Variants in ATP9B observed in about 807,000 individuals in gnomAD.
ATP9B encodes ATPase phospholipid transporting 9B.
Under a neutral mutation model 146.1 loss-of-function variants are expected in ATP9B, and 110 were observed. The ratio of observed to expected loss-of-function variants is 0.75; its 90% CI spans 0.65 to 0.88. The LOEUF (loss-of-function observed/expected upper bound fraction) is 0.88. Ranked by LOEUF, ATP9B falls within the 40% of genes least tolerant of loss-of-function variation. ATP9B has a pLI of 0.00. For missense variants in ATP9B, 1,499 were observed against 1,496.4 expected (o/e 1.00, Z -0.03); for synonymous variants, 604 against 569.7 (o/e 1.06, Z -0.86).
intron 13 of ATP9B, among the ~76,000 whole-genome samples, chr18:79,278,799 G>A (rs926298572): frequency 6.6e-6 from 1 of 151,964 alleles, no homozygotes; most frequent in African/African-American, 2.4e-5. Context: ...AGAGTGTTAG[G>A]ATTTTCCCTT....
intron 19 of ATP9B, among the ~76,000 whole-genome samples, chr18:79,339,206 T>C (rs2096843312): frequency 9.1e-6 from 1 of 110,074 alleles, no homozygotes; most frequent in Non-Finnish European, 1.9e-5. Flanking sequence ...CTGTATCATA[T>C]CCATCTGAGA....
intron 13 of ATP9B, among the ~76,000 whole-genome samples, chr18:79,300,741 G>C (rs1168264008): frequency 2.0e-5 from 3 of 152,132 alleles, no homozygotes; most frequent in African/African-American, 7.2e-5. Flanking sequence ...CTTTCTTTAG[G>C]GTTCTTTGCA....
At chr18:79,375,323 C>A in intron 28 of ATP9B, 71 bp from the exon 29 acceptor site, 1 of 1,358,172 alleles carries the variant, frequency 7.4e-7, no homozygotes, top group Non-Finnish European at 1.0e-6. Context: ...TATTCTTTTG[C>A]TAACCCCTTG....
At chr18:79,180,526 A>G (rs1028995025) in intron 8 of ATP9B, among the ~76,000 whole-genome samples, 1 of 151,962 alleles carries the variant, frequency 6.6e-6, no homozygotes, top group Non-Finnish European at 1.5e-5. Context: ...ACATATTATC[A>G]GCTGCACCGT....
intron 11 of ATP9B, among the ~76,000 whole-genome samples, chr18:79,249,941 C>T (rs1034595876): frequency 7.2e-5 from 11 of 152,172 alleles, no homozygotes; most frequent in Non-Finnish European, 1.3e-4. Flanking sequence ...TCAGAAAATG[C>T]CACCTGCAAG....
intron 5 of ATP9B, among the ~76,000 whole-genome samples, chr18:79,126,755 A>G (rs1459953464): frequency 2.0e-5 from 3 of 152,260 alleles, no homozygotes; most frequent in Non-Finnish European, 4.4e-5. Context: ...AAATGTCTAT[A>G]CCATGGCATT....
At position 79,346,724 on chromosome 18, in the gene ATP9B, A is replaced by G. The variant is rs576637622; in HGVS notation, c.2682+885A>G. On this transcript the variant is annotated intron_variant, in intron 23 of 29. Coordinates refer to ENST00000426216, the MANE Select transcript of ATP9B (RefSeq NM_198531.5). ...GCGCACGTCAGCACGTGCTCAGTGC[A>G]TGCCTGGTCATTTTACACTCAGCAC... Among the ~76,000 whole-genome samples the G allele has an allele frequency of 5.3e-5, 8 of 152,360 alleles. 1 individual carries two copies. The highest frequency in any genetic ancestry group is 1.7e-4 in the African/African-American group (7 of 41,590).
chr18:79,376,305 A>G, intron 29 of ATP9B: 1 of 985,226 alleles, frequency 1.0e-6, no homozygotes, highest in Non-Finnish European at 1.2e-6. Flanking sequence ...CACCACAACT[A>G]GTACTTCAGT....
In ATP9B at chr18:79,324,485, AT is replaced by A. The variant is rs371502942; in HGVS notation, c.1774-4651del. 2.4e-3 allele frequency among the ~76,000 whole-genome samples: 365 copies of A among 152,138 alleles called. 1 individual carries two copies. Among genetic ancestry groups the A allele is most frequent in the South Asian group, 6.2e-3 (30 of 4,812 alleles). On this transcript the variant is annotated intron_variant, in intron 15 of 29. Coordinates refer to ENST00000426216, the MANE Select transcript of ATP9B (RefSeq NM_198531.5). ...ATTACCCATATAAGGGTGTCTTTTA[AT>A]TTTTCAGTCCACCCACAGATACAGA...
At chr18:79,318,378 C>T (rs895434289) in intron 15 of ATP9B, among the ~76,000 whole-genome samples, 1 of 152,210 alleles carries the variant, frequency 6.6e-6, no homozygotes, top group Non-Finnish European at 1.5e-5. Context: ...CATGGTCTTC[C>T]TCCCCAGCCC....
intron 8 of ATP9B, among the ~76,000 whole-genome samples, chr18:79,190,890 TG>T (rs745399599): frequency 2.0e-5 from 3 of 150,442 alleles, no homozygotes; most frequent in South Asian, 2.1e-4. Context: ...AAACAGGATT[TG>T]GGGGTTTTTT....
chr18:79,214,624 A>G (rs2095610978), intron 11 of ATP9B, among the ~76,000 whole-genome samples: 1 of 152,224 alleles, frequency 6.6e-6, no homozygotes, highest in Admixed American at 6.5e-5. Flanking sequence ...TCATCATGAT[A>G]CCATATGTGA....
chr18:79,185,009 C>T (rs1231427658), intron 8 of ATP9B, among the ~76,000 whole-genome samples: 1 of 151,496 alleles, frequency 6.6e-6, no homozygotes, highest in African/African-American at 2.4e-5. Flanking sequence ...AAAATCCAGC[C>T]AAGCAAGGAT....
intron 25 of ATP9B, among the ~76,000 whole-genome samples, chr18:79,348,701 C>T (rs1042124813): frequency 6.6e-6 from 1 of 152,278 alleles, no homozygotes; most frequent in Non-Finnish European, 1.5e-5. Flanking sequence ...CAGGGCTGGG[C>T]GCGGTGGCTC....
chr18:79,096,394 G>C (rs2074783314), intron 1 of ATP9B, 82 bp from the exon 2 acceptor site: 1 of 1,297,068 alleles, frequency 7.7e-7, no homozygotes. Flanking sequence ...AGCCTAATTT[G>C]AGGAAATATT....
At chr18:79,353,303 A>G (rs972329989) in intron 25 of ATP9B, 9 of 152,382 alleles carry the variant, frequency 5.9e-5, no homozygotes, top group Admixed American at 4.6e-4. Flanking sequence ...CTTCCACGCA[A>G]ACCGACACAG....
At chr18:79,079,470 T>C (rs907536672) in intron 1 of ATP9B, among the ~76,000 whole-genome samples, 2 of 152,238 alleles carry the variant, frequency 1.3e-5, no homozygotes, top group Non-Finnish European at 2.9e-5. Flanking sequence ...TCTGTTCATA[T>C]CCTTTGCTTG....
chr18:79,153,143 A>G (rs2094717565), intron 6 of ATP9B, among the ~76,000 whole-genome samples: 1 of 152,194 alleles, frequency 6.6e-6, no homozygotes, highest in Non-Finnish European at 1.5e-5. Context: ...GTTGACTGAC[A>G]ATCCATTTAC....
At chr18:79,104,714 T>A (rs2075536189) in intron 2 of ATP9B, among the ~76,000 whole-genome samples, 1 of 152,084 alleles carries the variant, frequency 6.6e-6, no homozygotes, top group Non-Finnish European at 1.5e-5. Context: ...AACAGCTTAG[T>A]AAAATATCCT....
Sources: gnomAD v4.1 joint callset for allele counts (sites outside exome capture counted in the v4.1 genomes callset) on GRCh38, gnomAD v4.1.1 for gene constraint, MANE v1.5 for transcripts, NCBI Gene and HGNC (gene_info 2026-07-23, HGNC 2026-07-21) for gene names.